DACH1: variants seen among roughly 807,000 people sequenced by gnomAD.
The protein encoded by DACH1 is dachshund family transcription factor 1, also known as dachshund homolog 1.
In DACH1, 12 loss-of-function variants were observed where a neutral mutation model predicts 54.2. That is an observed-to-expected ratio of 0.22 (90% confidence interval 0.14 to 0.36). The LOEUF (loss-of-function observed/expected upper bound fraction) is 0.36, where lower values mean the gene tolerates loss of function less well. Among genes scored for constraint, DACH1 ranks in the 10% least tolerant of loss-of-function variants. The pLI, the probability that DACH1 is intolerant of heterozygous loss-of-function variation, is 1.00. For synonymous variants in DACH1, 386 were observed against 366.2 expected (o/e 1.05, Z -0.62); for missense variants, 805 against 929.8 (o/e 0.87, Z 1.75).
chr13:71,655,359 CTTT>C (rs764085708), intron 2 of DACH1, among the ~76,000 whole-genome samples: 1 of 143,008 alleles, frequency 7.0e-6, no homozygotes. Context: ...GGTGATGTCT[CTTT>C]TTTTTTTTAA....
intron 9 of DACH1, 152 bp from the exon 10 acceptor site, chr13:71,475,361 A>T: frequency 1.4e-6 from 1 of 720,844 alleles, no homozygotes; most frequent in Non-Finnish European, 2.3e-6. Flanking sequence ...TAACCGTAAG[A>T]ATTTTCGGAA....
At chr13:71,749,934 G>C (rs1464451041) in intron 1 of DACH1, among the ~76,000 whole-genome samples, 2 of 152,166 alleles carry the variant, frequency 1.3e-5, no homozygotes, top group Admixed American at 1.3e-4. Flanking sequence ...CACCAGTTGT[G>C]AAAGCCAAGT....
intron 1 of DACH1, among the ~76,000 whole-genome samples, chr13:71,746,282 A>C (rs1457685578): frequency 6.6e-6 from 1 of 152,204 alleles, no homozygotes; most frequent in Non-Finnish European, 1.5e-5. Context: ...AATATACATG[A>C]ATGAAGAGGA....
intron 1 of DACH1, among the ~76,000 whole-genome samples, chr13:71,808,960 G>A (rs1312461589): frequency 6.6e-6 from 1 of 152,146 alleles, no homozygotes; most frequent in African/African-American, 2.4e-5. Context: ...AGGAATGAAA[G>A]CTGATGCATA....
At chr13:71,740,501 C>T (rs1342063467) in intron 1 of DACH1, among the ~76,000 whole-genome samples, 1 of 152,036 alleles carries the variant, frequency 6.6e-6, no homozygotes, top group Non-Finnish European at 1.5e-5. Context: ...CAAACCTTGG[C>T]CTATGTTCTT....
chr13:71,658,003 T>C (rs571924009), intron 2 of DACH1, among the ~76,000 whole-genome samples: 1 of 152,266 alleles, frequency 6.6e-6, no homozygotes, highest in East Asian at 1.9e-4. Context: ...AAAACTAACT[T>C]CTATTAAATA....
intron 5 of DACH1, among the ~76,000 whole-genome samples, chr13:71,559,295 A>G (rs1225070858): frequency 6.6e-6 from 1 of 152,160 alleles, no homozygotes; most frequent in African/African-American, 2.4e-5. Flanking sequence ...CAAATTCTCA[A>G]ACTTAGCTAA....
At chr13:71,770,752 A>G (rs1885818099) in intron 1 of DACH1, among the ~76,000 whole-genome samples, 1 of 151,632 alleles carries the variant, frequency 6.6e-6, no homozygotes, top group Non-Finnish European at 1.5e-5. Context: ...GAATTAACTA[A>G]ATCTAGTAAA....
chr13:71,809,816 T>C (rs1887642777), intron 1 of DACH1, among the ~76,000 whole-genome samples: 1 of 152,146 alleles, frequency 6.6e-6, no homozygotes, highest in Non-Finnish European at 1.5e-5. Flanking sequence ...AAAAATTAAC[T>C]AATATGAAGG....
intron 1 of DACH1, among the ~76,000 whole-genome samples, chr13:71,750,536 G>A (rs1238751640): frequency 3.3e-5 from 5 of 152,054 alleles, no homozygotes; most frequent in Non-Finnish European, 5.9e-5. Flanking sequence ...TATATTATAA[G>A]AATAATTGTT....
At chr13:71,483,273 A>C (rs1878207740) in intron 7 of DACH1, among the ~76,000 whole-genome samples, 1 of 150,394 alleles carries the variant, frequency 6.6e-6, no homozygotes, top group African/African-American at 2.4e-5. Flanking sequence ...AATATATTTG[A>C]TATTAGCTTC....
At chr13:71,729,773 C>T (rs761934467) in intron 1 of DACH1, among the ~76,000 whole-genome samples, 11 of 152,158 alleles carry the variant, frequency 7.2e-5, no homozygotes, top group Admixed American at 3.3e-4. Flanking sequence ...AATTACTCAA[C>T]GTACACTAAA....
intron 3 of DACH1, chr13:71,573,618 A>G: frequency 2.2e-6 from 1 of 453,172 alleles, no homozygotes; most frequent in Non-Finnish European, 4.0e-6. Flanking sequence ...TATTATTCCA[A>G]ATCTTCCAAT....
chr13:71,714,935 A>C (rs1882897940), intron 1 of DACH1, among the ~76,000 whole-genome samples: 1 of 152,142 alleles, frequency 6.6e-6, no homozygotes, highest in Admixed American at 6.6e-5. Flanking sequence ...TTTGAGAACA[A>C]GGAGTTAAGG....
At chr13:71,507,952 T>A (rs893827320) in intron 6 of DACH1, among the ~76,000 whole-genome samples, 6 of 152,184 alleles carry the variant, frequency 3.9e-5, no homozygotes, top group African/African-American at 1.4e-4. Context: ...AATCTGTTCA[T>A]CCTATTATTT....
At chr13:71,577,704 A>T (rs556891917) in intron 3 of DACH1, among the ~76,000 whole-genome samples, 3 of 152,318 alleles carry the variant, frequency 2.0e-5, no homozygotes, top group African/African-American at 7.2e-5. Context: ...TTATAAATCA[A>T]ATTTTAGTAA....
intron 1 of DACH1, among the ~76,000 whole-genome samples, chr13:71,804,153 TA>T (rs746226988): frequency 6.6e-6 from 1 of 152,000 alleles, no homozygotes; most frequent in Non-Finnish European, 1.5e-5. Context: ...ACTCTAACTC[TA>T]CAATAAATTT....
chr13:71,767,058 C>T lies in DACH1; in HGVS notation c.849-85148G>A, dbSNP rs369260342. Among the ~76,000 whole-genome samples, 13 of 152,062 alleles carry T rather than the reference C, an allele frequency of 8.5e-5. No homozygotes were observed. In the East Asian group the frequency reaches 2.5e-3, roughly 29 times the overall value. On this transcript the variant is annotated intron_variant, in intron 1 of 10. Coordinates refer to ENST00000613252, the MANE Select transcript of DACH1 (RefSeq NM_080759.6). ...CTTTATGCAACTGCCATTTTTTCCC[C>T]AGTGACAGAGTACATTTTCCTAATA...
At position 71,452,269 on chromosome 13, in the gene DACH1, A is replaced by G. The variant is rs553348518; in HGVS notation, c.2084-11577T>C. The stretch of plus-strand genomic sequence containing the variant: ...AGGCCTCCCGAGTAGCTGGGACTAC[A>G]GGCATGTGCCACCATGCCTGGCTCA... On this transcript the variant is annotated intron_variant, in intron 10 of 10. Coordinates refer to ENST00000613252, the MANE Select transcript of DACH1 (RefSeq NM_080759.6). Among the ~76,000 whole-genome samples the G allele has an allele frequency of 2.6e-5, 4 of 152,202 alleles. No individual in the cohort carries two copies. The South Asian group carries it at 8.3e-4, about 32-fold the overall frequency.
Sources: gnomAD v4.1 joint callset for allele counts (sites outside exome capture counted in the v4.1 genomes callset) on GRCh38, gnomAD v4.1.1 for gene constraint, MANE v1.5 for transcripts, NCBI Gene and HGNC (gene_info 2026-07-23, HGNC 2026-07-21) for gene names.